The following ZNF724 variants were observed in gnomAD, a reference collection of about 807,000 sequenced individuals.
ZNF724 encodes zinc finger protein 724 pseudogene.
A neutral mutation model predicts 29.3 loss-of-function variants in ZNF724; 14 were observed. That is an observed-to-expected ratio of 0.48 (90% confidence interval 0.32 to 0.75). The LOEUF is 0.75. Ranked by LOEUF, ZNF724 falls within the 30% of genes least tolerant of loss-of-function variation. The pLI, the probability that ZNF724 is intolerant of heterozygous loss-of-function variation, is 0.04. For missense variants in ZNF724, 557 were observed against 571.2 expected (o/e 0.98, Z 0.25); for synonymous variants, 180 against 193.6 (o/e 0.93, Z 0.58).
In ZNF724 at chr19:23,223,271, A is replaced by G. The variant is rs755798877; in HGVS notation, c.974T>C (p.Leu325Pro). The G allele has an allele frequency of 1.2e-6, 1 of 827,316 alleles. No individual in the cohort carries two copies. Among genetic ancestry groups the G allele is most frequent in the Admixed American group, 1.8e-5 (1 of 55,096 alleles). 51.2% of individuals were successfully genotyped at this position (827,316 alleles called of 1,614,324 possible). A position where few individuals can be genotyped will look rare whatever the true frequency, so the allele number is the denominator to read the frequency against. Residue 325 changes from leucine (L) to proline (P), a missense_variant, in exon 4 of 4, where the codon CTT becomes CCT. Leu to Pro is a moderately conservative substitution (Grantham distance 98). This residue lies in a region of ZNF724 where 362 missense variants were observed against 295.5 expected (regional missense o/e 1.22). Coordinates refer to ENST00000418100, the MANE Select transcript of ZNF724 (RefSeq NM_001355404.2). ...CGRAFNQSSN[L>P]TKHKRIHTGD... ...AGTATGAATTCTCTTATGTTTAGTA[A>G]GGTTCGAGGATTGGTTAAAAGCTCT...
At chr19:23,248,687 G>T (rs1237169690) in intron 1 of ZNF724, among the ~76,000 whole-genome samples, 1 of 151,292 alleles carries the variant, frequency 6.6e-6, no homozygotes, top group African/African-American at 2.4e-5. Context: ...AAATTTGTAC[G>T]TTCAAGGTGG....
rs1971757939 is a variant in ZNF724, at chr19:23,223,280, G to T, written c.965C>A (p.Ser322Tyr). 4.9e-6 allele frequency: 4 copies of T among 811,538 alleles called. No homozygotes were observed. The highest frequency in any genetic ancestry group is 1.8e-5 in the Admixed American group (1 of 55,014). 50.3% of individuals were successfully genotyped at this position (811,538 alleles called of 1,614,324 possible). Reference sequence around the variant, plus strand: ...TCTCTTATGTTTAGTAAGGTTCGAGGATTGGTTAAAAGCTCTGCCACAATG... The same window carrying T: ...TCTCTTATGTTTAGTAAGGTTCGAGTATTGGTTAAAAGCTCTGCCACAATG... ...CEHCGRAFNQSSNLTKHKRIH... is the reference protein window; with the variant it reads ...CEHCGRAFNQYSNLTKHKRIH... The change falls in exon 4 of 4, where the codon TCC becomes TAC. Residue 322 changes from serine (S) to tyrosine (Y), a missense_variant. By Grantham distance (144) the Ser-to-Tyr change is moderately radical. Transcript: ENST00000418100.
intron 1 of ZNF724, among the ~76,000 whole-genome samples, chr19:23,242,415 C>CG (rs1568345374): frequency 6.6e-6 from 1 of 151,276 alleles, no homozygotes; most frequent in Non-Finnish European, 1.5e-5. Flanking sequence ...CCAATTTCTA[C>CG]AAAAAAAATA....
At chr19:23,226,029 A>G (rs1971820071) in intron 3 of ZNF724, among the ~76,000 whole-genome samples, 1 of 148,870 alleles carries the variant, frequency 6.7e-6, no homozygotes, top group African/African-American at 2.5e-5. Flanking sequence ...ATTTTTGAAA[A>G]AAATTTTCTA....
chr19:23,222,717 C>G lies in ZNF724; in HGVS notation c.1528G>C (p.Glu510Gln), dbSNP rs752861036. The change falls in exon 4 of 4, where the codon GAA (glutamate) becomes CAA (glutamine). Residue 510 changes from glutamate (E) to glutamine (Q), a missense_variant. By Grantham distance (29) the Glu-to-Gln change is conservative (BLOSUM62 2). Around this residue, in one of 3 missense-constraint regions of ZNF724, gnomAD observed 170 missense variants for 220.7 expected, o/e 0.77. Coordinates refer to ENST00000418100, the MANE Select transcript of ZNF724 (RefSeq NM_001355404.2). ...GATTGGTTAAAAGCTTTGCCACATT[C>G]TTTACATTTGTAGGGTTTCTCTCCA... ...HTGEKPYKCK[E>Q]CGKAFNQSST... is the part of the protein sequence containing the mutation. The G allele has an allele frequency of 2.1e-6, 3 of 1,416,508 alleles. No individual in the cohort carries two copies. Among genetic ancestry groups the G allele is most frequent in the Non-Finnish European group, 3.0e-6 (3 of 1,001,566 alleles). 87.7% of individuals were successfully genotyped at this position (1,416,508 alleles called of 1,614,324 possible). A position where few individuals can be genotyped will look rare whatever the true frequency, so the allele number is the denominator to read the frequency against.
intron 1 of ZNF724, among the ~76,000 whole-genome samples, chr19:23,245,025 A>G (rs1190455423): frequency 2.0e-5 from 3 of 152,220 alleles, no homozygotes; most frequent in Non-Finnish European, 2.9e-5. Flanking sequence ...GTAAATGGCT[A>G]TAATTAATAA....
chr19:23,222,669 T>C lies in ZNF724; in HGVS notation c.1576A>G (p.Ile526Val). The C allele has an allele frequency of 7.3e-7, 1 of 1,374,290 alleles. No homozygotes were observed. The highest frequency in any genetic ancestry group is 2.3e-5 in the East Asian group (1 of 43,378). 85.1% of individuals were successfully genotyped at this position (1,374,290 alleles called of 1,614,324 possible). A position where few individuals can be genotyped will look rare whatever the true frequency, so the allele number is the denominator to read the frequency against. The change falls in exon 4 of 4, where the codon ATA (isoleucine) becomes GTA (valine). Residue 526 changes from isoleucine (I) to valine (V), a missense_variant. Around this residue, in one of 3 missense-constraint regions of ZNF724, gnomAD observed 170 missense variants for 220.7 expected, o/e 0.77. Transcript: ENST00000418100. ...NQSSTLARHK[I>V]IHAGEKPYKC... Reference sequence around the variant, plus strand: ...TAGGGTTTCTCTCCAGCATGAATTATCTTATGTCTAGCAAGTGTCGAGGAT... The same window carrying C: ...TAGGGTTTCTCTCCAGCATGAATTACCTTATGTCTAGCAAGTGTCGAGGAT...
chr19:23,233,148 C>T lies in ZNF724; in HGVS notation c.4-855G>A, dbSNP rs538447486. Reference sequence around the variant, plus strand: ...TAAGTAAATTATAGTCTAAATTCAACCATATGGAAACATCAGTTTTATGCA... The same window carrying T: ...TAAGTAAATTATAGTCTAAATTCAATCATATGGAAACATCAGTTTTATGCA... On this transcript the variant is annotated intron_variant, in intron 1 of 3. Coordinates refer to ENST00000418100, the MANE Select transcript of ZNF724 (RefSeq NM_001355404.2). Among the ~76,000 whole-genome samples the T allele has an allele frequency of 5.3e-5, 8 of 152,200 alleles. No individual in the cohort carries two copies. The South Asian group carries it at 1.7e-3, about 32-fold the overall frequency.
chr19:23,230,460 T>C (rs1971915976), intron 3 of ZNF724, among the ~76,000 whole-genome samples: 1 of 150,944 alleles, frequency 6.6e-6, no homozygotes, highest in South Asian at 2.1e-4. Flanking sequence ...GAGGACAACG[T>C]ACTTTATAAT....
intron 1 of ZNF724, among the ~76,000 whole-genome samples, chr19:23,234,007 A>C (rs1415214243): frequency 6.6e-6 from 1 of 151,858 alleles, no homozygotes; most frequent in Non-Finnish European, 1.5e-5. Flanking sequence ...AGAAACAATG[A>C]AGAGAAAAAT....
intron 2 of ZNF724, 32 bp downstream of exon 2, chr19:23,232,135 G>T (rs768223763): frequency 5.0e-5 from 63 of 1,267,122 alleles, no homozygotes; most frequent in African/African-American, 7.4e-5. Flanking sequence ...ATTTAGGGTA[G>T]ATTAGGAATT....
rs141310001 is a variant in ZNF724 at position 23,225,444 on chromosome 19, G to T, written c.227-1426C>A. Among the ~76,000 whole-genome samples, 22 of 151,872 alleles carry T rather than the reference G, an allele frequency of 1.4e-4. 1 individual carries two copies. The East Asian group carries it at 3.9e-3, about 27-fold the overall frequency. ...ACATGGTGAAACCCCATTTCTATAG[G>T]ATACAAAAAAATTTATCCGGGCATG... On this transcript the variant is annotated intron_variant, in intron 3 of 3. Transcript: ENST00000418100.
intron 1 of ZNF724, among the ~76,000 whole-genome samples, chr19:23,247,273 GA>G (rs35663704): frequency 2.0e-5 from 3 of 151,804 alleles, no homozygotes; most frequent in African/African-American, 7.3e-5. Flanking sequence ...TCACAGTGGG[GA>G]AAAAAAAGTA....
At position 23,223,663 on chromosome 19, in the gene ZNF724, A is replaced by G; in HGVS notation, c.582T>C (p.Thr194=). Residue 194 remains threonine, a synonymous_variant, in exon 4 of 4, where the codon ACT becomes ACC. Transcript: ENST00000418100. ...ATTCTTCAAGTTTGTAGGAATTGAC[A>G]GTAGTGTGAATTCTTTTATGTTGAG... The part of the protein sequence containing the change: ...HLTQHKRIHT[T]VNSYKLEECG... 1.4e-6 allele frequency: 1 copy of G among 715,008 alleles called. No homozygotes were observed. The highest frequency in any genetic ancestry group is 1.5e-5 in the South Asian group (1 of 67,846). The allele number at this position is 715,008 out of a possible 1,614,324, so 44.3% of individuals were successfully genotyped here.
At chr19:23,239,273 C>T (rs143922313) in intron 1 of ZNF724, among the ~76,000 whole-genome samples, 128 of 152,342 alleles carry the variant, frequency 8.4e-4, no homozygotes, top group African/African-American at 3.1e-3. Flanking sequence ...AGTATACATT[C>T]TTCTCATCAC....
At chr19:23,235,624 C>T (rs1386904601) in intron 1 of ZNF724, among the ~76,000 whole-genome samples, 1 of 152,102 alleles carries the variant, frequency 6.6e-6, no homozygotes, top group Non-Finnish European at 1.5e-5. Context: ...TGAGGCCAGA[C>T]TTCAAGGTGG....
chr19:23,228,401 C>G (rs1198885462), intron 3 of ZNF724, among the ~76,000 whole-genome samples: 1 of 151,688 alleles, frequency 6.6e-6, no homozygotes, highest in Non-Finnish European at 1.5e-5. Context: ...TTGCAGTGAG[C>G]CAAGATCGGG....
intron 3 of ZNF724, among the ~76,000 whole-genome samples, chr19:23,225,327 G>A (rs11666025): frequency 0.14 from 21,812 of 152,120 alleles, 1,577 homozygotes; most frequent in Middle Eastern, 0.23. Flanking sequence ...AATCGTGGCC[G>A]TGCATAGTGG....
intron 2 of ZNF724, among the ~76,000 whole-genome samples, chr19:23,231,951 G>A (rs560650719): frequency 2.0e-3 from 306 of 152,058 alleles, no homozygotes; most frequent in South Asian, 6.7e-3. Flanking sequence ...TGGCCAGGCT[G>A]GTCTTGAACT....
Sources: gnomAD v4.1 joint callset for allele counts (sites outside exome capture counted in the v4.1 genomes callset) on GRCh38, gnomAD v4.1.1 for gene constraint, gnomAD v4.1.1 regional missense constraint, MANE v1.5 for transcripts, NCBI Gene and HGNC (gene_info 2026-07-23, HGNC 2026-07-21) for gene names.